The following GRB10 variants were observed in gnomAD, a reference collection of about 807,000 sequenced individuals.
GRB10 encodes the protein growth factor receptor bound protein 10.
A neutral mutation model predicts 80.9 loss-of-function variants in GRB10; 20 were observed. The observed-to-expected ratio is 0.25, with a 90% CI of 0.17 to 0.36. GRB10 has a LOEUF of 0.36. GRB10 is among the 10% of genes least tolerant of loss of function. The probability of loss-of-function intolerance (pLI) is 1.00; values close to 1 mark genes in which losing one functional copy is unlikely to be tolerated. For missense variants in GRB10, 548 were observed against 747.7 expected (o/e 0.73, Z 3.12); for synonymous variants, 291 against 291.5 (o/e 1.00, Z 0.02).
chr7:50,770,493 G>T, intron 2 of GRB10, among the ~76,000 whole-genome samples: 1 of 152,198 alleles, frequency 6.6e-6, no homozygotes, highest in South Asian at 2.1e-4. Flanking sequence ...TCCACCTGTG[G>T]TAGCCTCTCA....
intron 4 of GRB10, among the ~76,000 whole-genome samples, chr7:50,714,838 G>A (rs757089686): frequency 6.6e-6 from 1 of 152,086 alleles, no homozygotes; most frequent in African/African-American, 2.4e-5. Flanking sequence ...ACCAAACCAT[G>A]TGCGGCTGTG....
chr7:50,753,837 T>TTA (rs1316254936), intron 3 of GRB10, among the ~76,000 whole-genome samples: 1 of 152,186 alleles, frequency 6.6e-6, no homozygotes, highest in African/African-American at 2.4e-5. Context: ...TCCCTTTGAA[T>TTA]TATATGACCA....
At chr7:50,606,616 G>A (rs1046507563) in intron 13 of GRB10, 1 of 596,416 alleles carries the variant, frequency 1.7e-6, no homozygotes, top group Non-Finnish European at 3.0e-6. Flanking sequence ...AAAAATCCGA[G>A]TATAGCTTTT....
At chr7:50,671,246 C>T (rs2060320895) in intron 6 of GRB10, among the ~76,000 whole-genome samples, 1 of 152,198 alleles carries the variant, frequency 6.6e-6, no homozygotes, top group Non-Finnish European at 1.5e-5. Flanking sequence ...CAATCCCTCC[C>T]CATGTTTAAA....
Position 50,629,526 on chromosome 7 carries a change from G to GCA in GRB10, c.505-2550_505-2549dup, listed in dbSNP as rs2053605928. Reference sequence around the variant, plus strand: ...GACAGGCCCCTCTGCCCCTGACACAGCACTCTCTGGTACTTCCAATCTCAC... The same window carrying GCA: ...GACAGGCCCCTCTGCCCCTGACACAGCACACTCTCTGGTACTTCCAATCTCAC... On this transcript the variant is annotated intron_variant, in intron 7 of 18. Coordinates refer to ENST00000401949, the MANE Select transcript of GRB10 (RefSeq NM_001350814.2). 2.0e-5 allele frequency among the ~76,000 whole-genome samples: 3 copies of GCA among 152,224 alleles called. No individual in the cohort carries two copies. The South Asian group carries it at 6.2e-4, about 32-fold the overall frequency.
intron 5 of GRB10, among the ~76,000 whole-genome samples, chr7:50,681,981 G>A (rs2153649521): frequency 6.6e-6 from 1 of 152,328 alleles, no homozygotes; most frequent in African/African-American, 2.4e-5. Flanking sequence ...AATCCTGAGT[G>A]TGTCAGGTGA....
chr7:50,735,737 G>T (rs2070687148), intron 3 of GRB10, among the ~76,000 whole-genome samples: 1 of 152,078 alleles, frequency 6.6e-6, no homozygotes, highest in South Asian at 2.1e-4. Flanking sequence ...TTATTAAAAA[G>T]TAGCTTTAGC....
chr7:50,708,534 G>A (rs1030840879), intron 4 of GRB10, among the ~76,000 whole-genome samples: 3 of 152,160 alleles, frequency 2.0e-5, no homozygotes, highest in Non-Finnish European at 4.4e-5. Flanking sequence ...AATGAACACA[G>A]GGACAAGAAT....
At chr7:50,709,715 G>C (rs2065602364) in intron 4 of GRB10, among the ~76,000 whole-genome samples, 1 of 152,120 alleles carries the variant, frequency 6.6e-6, no homozygotes, top group Non-Finnish European at 1.5e-5. Flanking sequence ...TGACTCGTGG[G>C]AGGAAGAAAA....
chr7:50,687,495 T>G (rs549708814), intron 5 of GRB10, among the ~76,000 whole-genome samples: 1 of 152,190 alleles, frequency 6.6e-6, no homozygotes, highest in Non-Finnish European at 1.5e-5. Flanking sequence ...TGGGCTTTTC[T>G]GCTCTGAGAA....
rs148176849 is a variant in GRB10 at position 50,730,201 on chromosome 7, C to T, written c.51+2071G>A. On this transcript the variant is annotated intron_variant, in intron 4 of 18. Transcript: ENST00000401949. ...CCCCAACCTTGCCAGAACCCCTCCC[C>T]AACTGCTGCCCTCCAACAGCAGGAT... 3.8e-4 allele frequency among the ~76,000 whole-genome samples: 58 copies of T among 152,286 alleles called. 3 individuals are homozygous for T. In the East Asian group the frequency reaches 0.011, roughly 29 times the overall value.
intron 8 of GRB10, among the ~76,000 whole-genome samples, chr7:50,619,740 G>T (rs561164825): frequency 6.6e-6 from 1 of 152,202 alleles, no homozygotes; most frequent in African/African-American, 2.4e-5. Flanking sequence ...ATCAAACTTG[G>T]TTGCCAGAAA....
intron 8 of GRB10, among the ~76,000 whole-genome samples, chr7:50,622,736 C>CA (rs1051424598): frequency 1.1e-4 from 16 of 152,020 alleles, no homozygotes; most frequent in African/African-American, 3.1e-4. Context: ...CAGGGGGCAT[C>CA]AAGATACTAG....
chr7:50,672,931 T>C (rs1385124006), intron 6 of GRB10, among the ~76,000 whole-genome samples: 2 of 152,098 alleles, frequency 1.3e-5, no homozygotes, highest in Non-Finnish European at 2.9e-5. Flanking sequence ...TCATTCAGCA[T>C]CAATGAATAT....
At chr7:50,740,736 CCAAA>C (rs2071575644) in intron 3 of GRB10, among the ~76,000 whole-genome samples, 1 of 150,952 alleles carries the variant, frequency 6.6e-6, no homozygotes, top group African/African-American at 2.4e-5. Flanking sequence ...CATTCGAAAC[CCAAA>C]CAATTTGCAA....
Position 50,626,895 on chromosome 7 carries a change from C to T in GRB10, c.588G>A (p.Leu196=). The part of the protein sequence containing the change: ...ADMTARDLCQ[L]LVYKSHCVDD... ...CCACACAGTGACTTTTGTAAACCAG[C>T]AATTGGCACAGGTCTCTGGCTGTCA... Residue 196 remains leucine (L), a synonymous_variant, in exon 8 of 19, where the codon TTG becomes TTA. Transcript: ENST00000401949. 1 of 1,614,158 alleles carries T rather than the reference C, an allele frequency of 6.2e-7. No homozygotes were observed. Among genetic ancestry groups the T allele is most frequent in the Non-Finnish European group, 8.5e-7 (1 of 1,180,020 alleles).
chr7:50,695,446 G>A (rs2063319596), intron 5 of GRB10, among the ~76,000 whole-genome samples: 1 of 148,174 alleles, frequency 6.7e-6, no homozygotes, highest in South Asian at 2.2e-4. Context: ...CATGTCGTAC[G>A]TCATCCTCTT....
intron 7 of GRB10, among the ~76,000 whole-genome samples, chr7:50,637,563 G>A (rs2055306050): frequency 6.6e-6 from 1 of 152,042 alleles, no homozygotes; most frequent in Non-Finnish European, 1.5e-5. Context: ...CAAACAAATG[G>A]AAACACATCT....
chr7:50,740,773 T>C (rs1230359439), intron 3 of GRB10, among the ~76,000 whole-genome samples: 1 of 151,116 alleles, frequency 6.6e-6, no homozygotes, highest in East Asian at 1.9e-4. Flanking sequence ...GACATAGCAG[T>C]AAATGTCAGT....
Sources: gnomAD v4.1 joint callset for allele counts (sites outside exome capture counted in the v4.1 genomes callset) on GRCh38, gnomAD v4.1.1 for gene constraint, MANE v1.5 for transcripts, NCBI Gene and HGNC (gene_info 2026-07-23, HGNC 2026-07-21) for gene names.